Variants in PDZRN4 observed in about 807,000 individuals in gnomAD.
The protein encoded by PDZRN4 is PDZ domain containing ring finger 4.
PDZRN4 carries 70 observed loss-of-function variants against 99.0 expected under a neutral mutation model. That is an observed-to-expected ratio of 0.71 (90% CI 0.58 to 0.86). PDZRN4 has a LOEUF of 0.86. PDZRN4 is among the 40% of genes least tolerant of loss of function. PDZRN4 has a pLI of 0.00. For missense variants in PDZRN4, 1,474 were observed against 1,331.2 expected, an observed-to-expected ratio of 1.11 and a Z score of -1.67; for synonymous variants, 551 against 501.6, an observed-to-expected ratio of 1.10 and a Z score of -1.32.
At chr12:41,276,338 C>G (rs1160389852) in intron 3 of PDZRN4, among the ~76,000 whole-genome samples, 1 of 151,968 alleles carries the variant, frequency 6.6e-6, no homozygotes, top group African/African-American at 2.4e-5. Flanking sequence ...CAAATAAGCT[C>G]TTCTCTGGTG....
chr12:41,322,661 T>C (rs1322974596), intron 3 of PDZRN4, among the ~76,000 whole-genome samples: 3 of 151,544 alleles, frequency 2.0e-5, no homozygotes, highest in Admixed American at 6.6e-5. Context: ...CGGCTAATTA[T>C]TGTTTTTTGT....
At chr12:41,503,067 A>G (rs558375387) in intron 3 of PDZRN4, among the ~76,000 whole-genome samples, 1 of 152,250 alleles carries the variant, frequency 6.6e-6, no homozygotes, top group East Asian at 1.9e-4. Context: ...GGCATAATAT[A>G]TAAAATGGTG....
At chr12:41,384,344 A>C (rs1383974639) in intron 3 of PDZRN4, among the ~76,000 whole-genome samples, 5 of 152,172 alleles carry the variant, frequency 3.3e-5, no homozygotes, top group Admixed American at 3.3e-4. Flanking sequence ...AAACAATGCT[A>C]GTAATATCCT....
intron 7 of PDZRN4, among the ~76,000 whole-genome samples, chr12:41,559,861 A>T (rs572509951): frequency 3.3e-5 from 5 of 152,102 alleles, no homozygotes; most frequent in African/African-American, 1.2e-4. Context: ...TTCTTTCAAG[A>T]TCTGATGGTT....
At chr12:41,247,603 AG>A (rs1445264308) in intron 3 of PDZRN4, among the ~76,000 whole-genome samples, 2 of 152,182 alleles carry the variant, frequency 1.3e-5, no homozygotes, top group Admixed American at 6.5e-5. Context: ...ACCAGCTTGG[AG>A]AAATACAATA....
At chr12:41,540,145 T>C (rs867600329) in intron 5 of PDZRN4, among the ~76,000 whole-genome samples, 2 of 152,210 alleles carry the variant, frequency 1.3e-5, no homozygotes, top group Non-Finnish European at 2.9e-5. Flanking sequence ...TTGGAAATCA[T>C]ACATCAATTC....
At chr12:41,535,714 G>C (rs750735558) in intron 5 of PDZRN4, among the ~76,000 whole-genome samples, 3 of 152,068 alleles carry the variant, frequency 2.0e-5, no homozygotes, top group Non-Finnish European at 4.4e-5. Flanking sequence ...ACAGCAGTGG[G>C]TTCATTAAAA....
chr12:41,517,924 C>A (rs1938430771), intron 5 of PDZRN4, among the ~76,000 whole-genome samples: 1 of 152,016 alleles, frequency 6.6e-6, no homozygotes, highest in African/African-American at 2.4e-5. Context: ...CTTTAGCATT[C>A]AGAGCAAGTT....
chr12:41,292,512 C>T (rs73122828), intron 3 of PDZRN4, among the ~76,000 whole-genome samples: 20,094 of 152,088 alleles, frequency 0.13, 1,742 homozygotes, highest in African/African-American at 0.25. Flanking sequence ...TTGATTTGAT[C>T]CTTACATTTC....
At chr12:41,336,204 T>C (rs952754481) in intron 3 of PDZRN4, among the ~76,000 whole-genome samples, 3 of 152,110 alleles carry the variant, frequency 2.0e-5, no homozygotes, top group Non-Finnish European at 4.4e-5. Context: ...GAACGGCTGA[T>C]TCATCCTGGC....
At chr12:41,379,587 C>A (rs1313228948) in intron 3 of PDZRN4, among the ~76,000 whole-genome samples, 2 of 151,234 alleles carry the variant, frequency 1.3e-5, no homozygotes, top group African/African-American at 4.8e-5. Context: ...TTTTTTATTT[C>A]TTTTGATTTT....
chr12:41,499,083 C>T (rs930870482), intron 3 of PDZRN4, among the ~76,000 whole-genome samples: 3 of 151,996 alleles, frequency 2.0e-5, no homozygotes, highest in Admixed American at 2.0e-4. Flanking sequence ...GAGAGAGAGA[C>T]GTTCTTACTA....
rs1237003894 is a variant in PDZRN4, at chr12:41,573,581, G to A, written c.2802G>A (p.Glu934=). The A allele has an allele frequency of 2.5e-6, 4 of 1,613,010 alleles. No individual in the cohort carries two copies. Among genetic ancestry groups the A allele is most frequent in the Middle Eastern group, 1.6e-4 (1 of 6,084 alleles). The change falls in exon 10 of 10, where the codon GAG becomes GAA. Residue 934 remains glutamate (E), a synonymous_variant. Transcript: ENST00000402685. ...CCACAGACGATGACACCATGAGCGA[G>A]ATGAAAATGGGGCGCTACTGGAGCA... The part of the protein sequence containing the change: ...GMTTDDDTMS[E]MKMGRYWSKE...
intron 3 of PDZRN4, among the ~76,000 whole-genome samples, chr12:41,419,847 C>T (rs1263590809): frequency 6.6e-6 from 1 of 152,038 alleles, no homozygotes; most frequent in African/African-American, 2.4e-5. Flanking sequence ...TTGGTGCTTC[C>T]CTTACATCCA....
rs375213764 is a variant in PDZRN4, at chr12:41,546,086, C to T, written c.1204-6570C>T. On this transcript the variant is annotated intron_variant, in intron 5 of 9. Transcript: ENST00000402685. ...GGCAAGGAAAGTAGAGTATAATTGT[C>T]GGGCAGCATGGATTGCTCATTTGCA... is the stretch of plus-strand genomic sequence containing the variant. Among the ~76,000 whole-genome samples, 97 of 152,242 alleles carry T rather than the reference C, an allele frequency of 6.4e-4. 2 individuals carry two copies. In the South Asian group the frequency reaches 0.019, roughly 30 times the overall value.
chr12:41,556,892 G>A (rs928812026), intron 7 of PDZRN4, among the ~76,000 whole-genome samples: 9 of 151,682 alleles, frequency 5.9e-5, no homozygotes, highest in Non-Finnish European at 1.0e-4. Context: ...GCTCACGCCT[G>A]TAATCCCAGC....
At chr12:41,194,305 G>T (rs1218415935) in intron 3 of PDZRN4, 117 bp downstream of exon 3, 7 of 647,582 alleles carry the variant, frequency 1.1e-5, no homozygotes, top group Non-Finnish European at 1.9e-5. Context: ...ATTCTTAGTA[G>T]CAGTAAAGGC....
intron 3 of PDZRN4, among the ~76,000 whole-genome samples, chr12:41,301,621 A>AC (rs897156493): frequency 9.2e-5 from 14 of 151,920 alleles, no homozygotes; most frequent in African/African-American, 3.1e-4. Context: ...ACATATTATA[A>AC]CCCCCCAAAA....
At chr12:41,534,673 G>A (rs889758526) in intron 5 of PDZRN4, among the ~76,000 whole-genome samples, 3 of 152,060 alleles carry the variant, frequency 2.0e-5, no homozygotes, top group African/African-American at 7.2e-5. Context: ...TTGTTTGTCT[G>A]AAAATATCTT....
Sources: allele counts gnomAD v4.1 joint callset (sites outside exome capture counted in the v4.1 genomes callset), GRCh38; gene constraint gnomAD v4.1.1; transcripts MANE v1.5; gene names NCBI Gene and HGNC (gene_info 2026-07-23, HGNC 2026-07-21).